ZNF804B: variants seen among roughly 807,000 people sequenced by gnomAD.
ZNF804B encodes the protein zinc finger 804B.
A neutral mutation model predicts 101.4 loss-of-function variants in ZNF804B; 80 were observed. The observed-to-expected ratio is 0.79, with a 90% CI of 0.66 to 0.95. The LOEUF (loss-of-function observed/expected upper bound fraction) is 0.95, where lower values mean the gene tolerates loss of function less well. Among genes scored for constraint, ZNF804B ranks in the 40% least tolerant of loss-of-function variants. The probability of loss-of-function intolerance (pLI) is 0.00; values close to 1 mark genes in which losing one functional copy is unlikely to be tolerated. For synonymous variants in ZNF804B, 622 were observed against 558.8 expected (o/e 1.11, Z -1.59); for missense variants, 1,673 against 1,561.9 (o/e 1.07, Z -1.20).
intron 1 of ZNF804B, among the ~76,000 whole-genome samples, chr7:89,002,905 T>C (rs1788309953): frequency 6.6e-6 from 1 of 151,990 alleles, no homozygotes; most frequent in South Asian, 2.1e-4. Flanking sequence ...GAGTCTATTG[T>C]GATAGAGAAG....
intron 2 of ZNF804B, among the ~76,000 whole-genome samples, chr7:89,279,748 G>A (rs1372120329): frequency 6.6e-6 from 1 of 152,082 alleles, no homozygotes; most frequent in South Asian, 2.1e-4. Context: ...GCTGGATTCG[G>A]TTTGCCAGTA....
intron 1 of ZNF804B, among the ~76,000 whole-genome samples, chr7:89,089,587 A>G (rs1583979772): frequency 2.0e-5 from 3 of 152,078 alleles, no homozygotes; most frequent in Admixed American, 6.6e-5. Context: ...ACCAATACAA[A>G]TGCACACACA....
intron 2 of ZNF804B, among the ~76,000 whole-genome samples, chr7:89,293,378 T>C (rs909458997): frequency 2.0e-5 from 3 of 152,204 alleles, no homozygotes; most frequent in African/African-American, 7.2e-5. Context: ...CCAAAAGTTA[T>C]ACAATTGTTA....
chr7:89,018,962 A>G (rs1479006630), intron 1 of ZNF804B, among the ~76,000 whole-genome samples: 1 of 151,666 alleles, frequency 6.6e-6, no homozygotes, highest in African/African-American at 2.4e-5. Flanking sequence ...GATCTTTTCT[A>G]TTTTGTTAGT....
rs74661102 is a variant in ZNF804B at position 88,850,148 on chromosome 7, G to A, written c.108+90064G>A. On this transcript the variant is annotated intron_variant, in intron 1 of 3. Transcript: ENST00000333190. ...AACAATAATTCTCAAGACATTTTAC[G>A]TTAGGCAAAGAGGGCAAAGATCCCT... is the stretch of plus-strand genomic sequence containing the variant. Among the ~76,000 whole-genome samples the A allele has an allele frequency of 6.8e-3, 1,040 of 152,186 alleles. 16 individuals are homozygous for A. The highest frequency in any genetic ancestry group is 0.022 in the African/African-American group (931 of 41,532).
At chr7:88,845,078 C>G (rs895576419) in intron 1 of ZNF804B, among the ~76,000 whole-genome samples, 2 of 152,058 alleles carry the variant, frequency 1.3e-5, no homozygotes, top group African/African-American at 4.8e-5. Flanking sequence ...TTCTGGAAAA[C>G]TTACAAAGGG....
At chr7:89,124,355 A>G (rs1790448313) in intron 1 of ZNF804B, among the ~76,000 whole-genome samples, 1 of 152,160 alleles carries the variant, frequency 6.6e-6, no homozygotes, top group African/African-American at 2.4e-5. Context: ...GGTGATGGGG[A>G]TACAAGGGAG....
intron 1 of ZNF804B, among the ~76,000 whole-genome samples, chr7:88,843,791 A>G (rs996417296): frequency 3.8e-4 from 58 of 152,050 alleles, no homozygotes; most frequent in African/African-American, 1.3e-3. Context: ...TGTCAAACTT[A>G]TTGTATCTTA....
At position 88,856,712 on chromosome 7, in the gene ZNF804B, T is replaced by C. The variant is rs1349841875; in HGVS notation, c.108+96628T>C. ...TTTTCAAAGGGAATGCTTCCAGTTTTTGCCCATTCAGTATGATATTGGCTG... is the reference window on the plus strand; with the variant it reads ...TTTTCAAAGGGAATGCTTCCAGTTTCTGCCCATTCAGTATGATATTGGCTG... On this transcript the variant is annotated intron_variant, in intron 1 of 3. Transcript: ENST00000333190. Among the ~76,000 whole-genome samples the C allele has an allele frequency of 2.0e-5, 3 of 152,144 alleles. No homozygotes were observed. In the East Asian group the frequency reaches 5.8e-4, roughly 29 times the overall value.
chr7:89,200,480 C>T (rs1054015419), intron 1 of ZNF804B, among the ~76,000 whole-genome samples: 8 of 152,028 alleles, frequency 5.3e-5, no homozygotes, highest in African/African-American at 1.4e-4. Context: ...TGTCTCATGA[C>T]GACAAACTTC....
intron 1 of ZNF804B, among the ~76,000 whole-genome samples, chr7:89,193,618 C>G (rs1167708567): frequency 6.6e-6 from 1 of 151,970 alleles, no homozygotes; most frequent in African/African-American, 2.4e-5. Flanking sequence ...CAGCTTCATC[C>G]ATGTTCCTAC....
At position 89,155,326 on chromosome 7, in the gene ZNF804B, G is replaced by A. The variant is rs190847978; in HGVS notation, c.109-62829G>A. ...GCTCAGATTTTTCCCTTTGCTGAATGTTCCACTTTCGAACAGCCTCTAATT... is the reference window on the plus strand; with the variant it reads ...GCTCAGATTTTTCCCTTTGCTGAATATTCCACTTTCGAACAGCCTCTAATT... On this transcript the variant is annotated intron_variant, in intron 1 of 3. Transcript: ENST00000333190. 1.7e-3 allele frequency among the ~76,000 whole-genome samples: 253 copies of A among 152,196 alleles called. 1 individual carries two copies. The highest frequency in any genetic ancestry group is 5.4e-3 in the African/African-American group (225 of 41,540).
intron 1 of ZNF804B, among the ~76,000 whole-genome samples, chr7:89,128,910 T>C (rs1790508436): frequency 6.6e-6 from 1 of 151,980 alleles, no homozygotes; most frequent in Non-Finnish European, 1.5e-5. Flanking sequence ...AAGTGCCTCA[T>C]GCCAAGGTGA....
chr7:89,047,508 G>A (rs1390584794), intron 1 of ZNF804B, among the ~76,000 whole-genome samples: 2 of 152,130 alleles, frequency 1.3e-5, no homozygotes, highest in Non-Finnish European at 2.9e-5. Flanking sequence ...ATTCTGACTG[G>A]CTGGGAAGCA....
chr7:88,854,520 T>C (rs199584507), intron 1 of ZNF804B, among the ~76,000 whole-genome samples: 750 of 61,146 alleles, frequency 0.012, 33 homozygotes, highest in African/African-American at 0.03. Context: ...TCCTTTCCTT[T>C]CCTTCCTTTC....
At chr7:88,954,860 A>G (rs1408472796) in intron 1 of ZNF804B, among the ~76,000 whole-genome samples, 3 of 151,734 alleles carry the variant, frequency 2.0e-5, no homozygotes, top group Non-Finnish European at 4.4e-5. Context: ...AAAAATGAGC[A>G]TATTTTAGAA....
chr7:88,958,943 G>A (rs1284813201), intron 1 of ZNF804B, among the ~76,000 whole-genome samples: 1 of 151,408 alleles, frequency 6.6e-6, no homozygotes, highest in East Asian at 2.0e-4. Context: ...ATCTCCGAAA[G>A]TGGAATCTTT....
intron 1 of ZNF804B, among the ~76,000 whole-genome samples, chr7:88,812,496 A>G (rs1456369331): frequency 6.6e-6 from 1 of 152,212 alleles, no homozygotes; most frequent in Non-Finnish European, 1.5e-5. Context: ...AGATGAGTCA[A>G]CAATCCCACT....
chr7:89,082,245 T>A (rs1789708028), intron 1 of ZNF804B, among the ~76,000 whole-genome samples: 1 of 151,706 alleles, frequency 6.6e-6, no homozygotes, highest in Non-Finnish European at 1.5e-5. Flanking sequence ...ATATTAAAAT[T>A]TGAATATAAA....
Sources: gnomAD v4.1 joint callset for allele counts (sites outside exome capture counted in the v4.1 genomes callset) on GRCh38, gnomAD v4.1.1 for gene constraint, MANE v1.5 for transcripts, NCBI Gene and HGNC (gene_info 2026-07-23, HGNC 2026-07-21) for gene names.